The following BTD variants were observed in gnomAD, a reference collection of about 807,000 sequenced individuals.
The protein encoded by BTD is biotinidase.
A neutral mutation model predicts 17.7 loss-of-function variants in BTD; 13 were observed. The observed-to-expected ratio is 0.74, with a 90% CI of 0.48 to 1.17. The LOEUF (loss-of-function observed/expected upper bound fraction) is 1.17. BTD is among the 50% of genes most tolerant of loss of function. The pLI is 0.00. For missense variants in BTD, 674 were observed against 650.4 expected (o/e 1.04, Z -0.39); for synonymous variants, 240 against 245.2 (o/e 0.98, Z 0.20).
intron 1 of BTD, among the ~76,000 whole-genome samples, chr3:15,613,038 A>G (rs2064682648): frequency 6.6e-6 from 1 of 152,172 alleles, no homozygotes; most frequent in South Asian, 2.1e-4. Flanking sequence ...TTTTTTAAAG[A>G]CCTGATTAAT....
downstream of BTD, among the ~76,000 whole-genome samples, chr3:15,656,126 A>G (rs1405659993): frequency 1.3e-5 from 2 of 152,200 alleles, no homozygotes; most frequent in African/African-American, 2.4e-5. Flanking sequence ...TTATAGATGT[A>G]AGATACAATG....
At chr3:15,632,861 G>C (rs1364529053) in intron 1 of BTD, 1 of 152,204 alleles carries the variant, frequency 6.6e-6, no homozygotes, top group Non-Finnish European at 1.5e-5. Context: ...ACTTTTTCCT[G>C]AGAAGGTATG....
At chr3:15,671,291 C>A (rs947781133) in intron 3 of BTD, among the ~76,000 whole-genome samples, 23 of 152,112 alleles carry the variant, frequency 1.5e-4, no homozygotes, top group African/African-American at 5.3e-4. Flanking sequence ...ACATTTGGTA[C>A]CTCAGTTGGT....
chr3:15,679,294 T>C, intron 3 of BTD: 1 of 1,613,470 alleles, frequency 6.2e-7, no homozygotes, highest in African/African-American at 1.3e-5. Flanking sequence ...CATAGTTGAA[T>C]TCCTACCTTC....
chr3:15,628,182 T>C (rs1559588094), intron 1 of BTD, among the ~76,000 whole-genome samples: 1 of 152,242 alleles, frequency 6.6e-6, no homozygotes. Context: ...TGTAGTGACA[T>C]TGTATCCACC....
At chr3:15,656,229 G>C (rs2065870156), downstream of BTD, among the ~76,000 whole-genome samples, 1 of 152,060 alleles carries the variant, frequency 6.6e-6, no homozygotes, top group African/African-American at 2.4e-5. Flanking sequence ...CTTGCCCCTA[G>C]TTATTGTAAA....
At chr3:15,612,770 G>C in intron 1 of BTD, among the ~76,000 whole-genome samples, 1 of 150,650 alleles carries the variant, frequency 6.6e-6, no homozygotes, top group Admixed American at 6.6e-5. Context: ...CTTAAAACAA[G>C]ACCCATTTAT....
At chr3:15,617,113 A>C (rs1242376825) in intron 1 of BTD, among the ~76,000 whole-genome samples, 1 of 152,202 alleles carries the variant, frequency 6.6e-6, no homozygotes. Flanking sequence ...GATTATAGGC[A>C]TGAGCCACCA....
chr3:15,644,661 C>T lies in BTD; in HGVS notation c.745C>T (p.Pro249Ser). 6.2e-7 allele frequency: 1 copy of T among 1,614,168 alleles called. No homozygotes were observed. The highest frequency in any genetic ancestry group is 8.5e-7 in the Non-Finnish European group (1 of 1,180,038). The change falls in exon 4 of 4, where the codon CCA becomes TCA. Residue 249 changes from proline to serine, a missense_variant. Coordinates refer to ENST00000643237, the MANE Select transcript of BTD (RefSeq NM_001370658.1). ...CTACAAGGTGAAGCATGTTGTGTAC[C>T]CAACTGCCTGGATGAACCAGCTCCC... ...RDYKVKHVVY[P>S]TAWMNQLPLL...
In BTD at chr3:15,686,902, G is replaced by A. The variant is rs143132421; in HGVS notation, c.400-23158G>A. Among the ~76,000 whole-genome samples, 22 of 151,264 alleles carry A rather than the reference G, an allele frequency of 1.5e-4. No individual in the cohort carries two copies. In the East Asian group the frequency reaches 2.5e-3, roughly 17 times the overall value. On this transcript the variant is annotated intron_variant, in intron 3 of 3. Coordinates refer to the BTD transcript ENST00000672141. Reference sequence around the variant, plus strand: ...GAATTTAATCCAGAGCTCTGACACCGTTGTAGAATCAACCAACCCTGGAAC... The same window carrying A: ...GAATTTAATCCAGAGCTCTGACACCATTGTAGAATCAACCAACCCTGGAAC...
intron 3 of BTD, chr3:15,678,333 G>A (rs1309078181): frequency 3.1e-6 from 5 of 1,607,740 alleles, no homozygotes; most frequent in Non-Finnish European, 3.4e-6. Context: ...GGTCTGTGAA[G>A]GCGGCTGCAT....
At chr3:15,666,629 GTTCTCAC>G (rs1156830899) in intron 3 of BTD, among the ~76,000 whole-genome samples, 36 of 152,230 alleles carry the variant, frequency 2.4e-4, no homozygotes, top group Non-Finnish European at 1.3e-4. Context: ...ATATCTACTT[GTTCTCAC>G]TTCTATTATC....
intron 1 of BTD, among the ~76,000 whole-genome samples, chr3:15,633,415 G>C (rs2065263460): frequency 6.6e-6 from 1 of 152,182 alleles, no homozygotes; most frequent in Non-Finnish European, 1.5e-5. Flanking sequence ...ACACACAAAT[G>C]ATTGCCACTT....
Position 15,649,293 on chromosome 3 carries a change from A to T in BTD, c.*3805A>T, listed in dbSNP as rs1272022525. Among the ~76,000 whole-genome samples the T allele has an allele frequency of 6.6e-6, 1 of 152,240 alleles. No homozygotes were observed. Among genetic ancestry groups the T allele is most frequent in the Non-Finnish European group, 1.5e-5 (1 of 68,038 alleles). On this transcript the variant is annotated 3_prime_UTR_variant, in exon 4 of 4. Transcript: ENST00000643237. ...TGAAGCAAATGATCCAAGAGAGCACAGGTGGAGCCATGATGTCTTTTATTA... is the reference window on the plus strand; with the variant it reads ...TGAAGCAAATGATCCAAGAGAGCACTGGTGGAGCCATGATGTCTTTTATTA...
At chr3:15,633,695 C>T (rs1287304640) in intron 1 of BTD, among the ~76,000 whole-genome samples, 1 of 152,244 alleles carries the variant, frequency 6.6e-6, no homozygotes, top group Admixed American at 6.5e-5. Context: ...CCTCAGTTTC[C>T]ATACCTCTTA....
At chr3:15,709,890 C>CAT (rs2071988464) in intron 3 of BTD, among the ~76,000 whole-genome samples, 1 of 152,130 alleles carries the variant, frequency 6.6e-6, no homozygotes, top group Admixed American at 6.6e-5. Flanking sequence ...CATTGAAATT[C>CAT]ATCTTATCTA....
intron 1 of BTD, chr3:15,602,277 T>C (rs1574962879): frequency 8.2e-6 from 10 of 1,214,320 alleles, no homozygotes; most frequent in South Asian, 2.3e-5. Context: ...TATTCAGCCA[T>C]TGGGTCACAA....
At chr3:15,640,541 C>A (rs1209243075) in intron 2 of BTD, among the ~76,000 whole-genome samples, 1 of 152,104 alleles carries the variant, frequency 6.6e-6, no homozygotes, top group Non-Finnish European at 1.5e-5. Flanking sequence ...CAGGTGCCCG[C>A]TACCATGCCT....
chr3:15,606,935 T>G (rs1381598123), intron 1 of BTD: 5 of 148,244 alleles, frequency 3.4e-5, no homozygotes, highest in African/African-American at 7.5e-5. Context: ...GACCCTTTTT[T>G]TTGTTGTTGT....
Sources: allele counts gnomAD v4.1 joint callset (sites outside exome capture counted in the v4.1 genomes callset), GRCh38; gene constraint gnomAD v4.1.1; transcripts MANE v1.5; gene names NCBI Gene and HGNC (gene_info 2026-07-23, HGNC 2026-07-21).